The following COL28A1 variants were observed in gnomAD, a reference collection of about 807,000 sequenced individuals.
COL28A1 encodes the protein collagen alpha-1(XXVIII) chain.
COL28A1 carries 161 observed loss-of-function variants against 150.2 expected under a neutral mutation model. The observed-to-expected ratio is 1.07, with a 90% confidence interval of 0.94 to 1.22. The LOEUF is 1.22. Among genes scored for constraint, COL28A1 ranks in the 50% most tolerant of loss-of-function variants. The pLI, the probability that COL28A1 is intolerant of heterozygous loss-of-function variation, is 0.00. For missense variants in COL28A1, 1,617 were observed against 1,388.3 expected (o/e 1.16, Z -2.62); for synonymous variants, 552 against 469.7 (o/e 1.18, Z -2.26).
At chr7:7,358,883 T>A (rs1415708465) in intron 34 of COL28A1, 78 bp from the exon 35 acceptor site, 10 of 1,186,462 alleles carry the variant, frequency 8.4e-6, no homozygotes, top group Middle Eastern at 2.1e-4. Context: ...TATAAAGTTA[T>A]ATAAATAAAC....
At chr7:7,540,153 G>T (rs1188019275), upstream of COL28A1, among the ~76,000 whole-genome samples, 1 of 152,030 alleles carries the variant, frequency 6.6e-6, no homozygotes, top group Non-Finnish European at 1.5e-5. Flanking sequence ...CCTATCATAG[G>T]TTTGAATGTT....
the COL28A1 span, among the ~76,000 whole-genome samples, chr7:7,345,276 G>C: frequency 6.6e-6 from 1 of 151,282 alleles, no homozygotes; most frequent in African/African-American, 2.4e-5. Flanking sequence ...GATGGAAGCA[G>C]AAACTTTAAA....
intron 18 of COL28A1, among the ~76,000 whole-genome samples, chr7:7,447,039 G>A (rs1022588918): frequency 6.6e-6 from 1 of 152,260 alleles, no homozygotes; most frequent in East Asian, 1.9e-4. Context: ...TATTTCTACT[G>A]GCAAGAAATA....
chr7:7,446,796 G>A (rs549306899), intron 18 of COL28A1, among the ~76,000 whole-genome samples: 1 of 152,172 alleles, frequency 6.6e-6, no homozygotes, highest in Admixed American at 6.5e-5. Flanking sequence ...GCAAGTTCAG[G>A]CATCTCTCTA....
chr7:7,366,367 G>A (rs1336141115), intron 33 of COL28A1, among the ~76,000 whole-genome samples: 1 of 152,140 alleles, frequency 6.6e-6, no homozygotes, highest in African/African-American at 2.4e-5. Context: ...GGAGTCAAGA[G>A]AATAGTCCTT....
Position 7,360,451 on chromosome 7 carries a change from G to T in COL28A1, c.3144C>A (p.Thr1048=). The T allele has an allele frequency of 6.2e-7, 1 of 1,609,192 alleles. No homozygotes were observed. The highest frequency in any genetic ancestry group is 1.1e-5 in the South Asian group (1 of 89,942). Residue 1048 remains threonine (T), a synonymous_variant, in exon 34 of 35, where the codon ACC becomes ACA. Coordinates refer to ENST00000399429, the MANE Select transcript of COL28A1 (RefSeq NM_001037763.3). ...PTWADDLPAT[T]SSEATTTPRP... is the part of the protein sequence containing the mutation. The stretch of plus-strand genomic sequence containing the variant: ...TGGGGGTGGTGGTGGCCTCAGATGA[G>T]GTAGTGGCAGGCAGATCATCAGCCC...
At chr7:7,339,533 C>T in the COL28A1 span, among the ~76,000 whole-genome samples, 1 of 152,144 alleles carries the variant, frequency 6.6e-6, no homozygotes, top group Non-Finnish European at 1.5e-5. Flanking sequence ...GCAGACTTCT[C>T]TTTGATTTTC....
At chr7:7,428,564 T>C (rs1210607524) in intron 25 of COL28A1, among the ~76,000 whole-genome samples, 2 of 152,214 alleles carry the variant, frequency 1.3e-5, no homozygotes, top group Non-Finnish European at 2.9e-5. Context: ...ATGAGACGTA[T>C]GGCATGTTTG....
chr7:7,434,284 C>G (rs1583361122), intron 23 of COL28A1, among the ~76,000 whole-genome samples: 1 of 152,164 alleles, frequency 6.6e-6, no homozygotes, highest in African/African-American at 2.4e-5. Context: ...CCATGGTCTT[C>G]AGGACAGGTA....
At chr7:7,432,323 CAGGAAGTCTAT>C in intron 25 of COL28A1, 139 bp downstream of exon 25, 1 of 629,300 alleles carries the variant, frequency 1.6e-6, no homozygotes, top group East Asian at 2.7e-5. Flanking sequence ...ATTAGTTCCC[CAGGAAGTCTAT>C]AGATAAGGGC....
At chr7:7,510,334 G>C (rs1386478199) in intron 9 of COL28A1, among the ~76,000 whole-genome samples, 3 of 152,226 alleles carry the variant, frequency 2.0e-5, no homozygotes, top group Admixed American at 2.0e-4. Context: ...ACCCAGGCTG[G>C]AGTGCAGTGG....
At chr7:7,383,691 T>TATAC (rs1706110542) in intron 27 of COL28A1, among the ~76,000 whole-genome samples, 1 of 138,718 alleles carries the variant, frequency 7.2e-6, no homozygotes, top group Non-Finnish European at 1.5e-5. Context: ...TGTATATATA[T>TATAC]ATATATATAT....
At chr7:7,417,954 G>C (rs774279219) in intron 26 of COL28A1, 27 bp from the exon 27 acceptor site, 1 of 1,577,648 alleles carries the variant, frequency 6.3e-7, no homozygotes, top group South Asian at 1.1e-5. Flanking sequence ...AGAATTTGAA[G>C]ACAAAATGTA....
rs183619021 is a variant in COL28A1, at chr7:7,482,727, T to C, written c.1165-5547A>G. ...GGTAATATTGTTAAAAACTCTCAAC[T>C]ACAAACAGTTAGAAAGACAGGTAAT... On this transcript the variant is annotated intron_variant, in intron 13 of 34. Coordinates refer to ENST00000399429, the MANE Select transcript of COL28A1 (RefSeq NM_001037763.3). Among the ~76,000 whole-genome samples, 563 of 152,178 alleles carry C rather than the reference T, an allele frequency of 3.7e-3. 3 individuals are homozygous for C. The highest frequency in any genetic ancestry group is 6.2e-3 in the Non-Finnish European group (421 of 68,020).
intron 27 of COL28A1, among the ~76,000 whole-genome samples, chr7:7,392,333 A>T (rs1343707182): frequency 2.6e-5 from 4 of 152,204 alleles, no homozygotes; most frequent in Non-Finnish European, 5.9e-5. Flanking sequence ...GGGTTTCTGC[A>T]GAGAGATCTG....
intron 14 of COL28A1, among the ~76,000 whole-genome samples, chr7:7,476,636 A>C (rs1788910573): frequency 6.6e-6 from 1 of 152,222 alleles, no homozygotes; most frequent in Admixed American, 6.5e-5. Flanking sequence ...AATGACAGGA[A>C]ATTCTCAATG....
intron 25 of COL28A1, among the ~76,000 whole-genome samples, chr7:7,424,262 A>G (rs1291947805): frequency 1.3e-5 from 2 of 152,216 alleles, no homozygotes; most frequent in African/African-American, 4.8e-5. Flanking sequence ...GAGAATCCAC[A>G]GAAGTAGTGT....
intron 11 of COL28A1, among the ~76,000 whole-genome samples, chr7:7,501,799 G>C (rs1048309940): frequency 6.6e-6 from 1 of 152,170 alleles, no homozygotes; most frequent in Admixed American, 6.5e-5. Context: ...GCATAGCGCT[G>C]TCTCCTGAGT....
intron 21 of COL28A1, 100 bp from the exon 22 acceptor site, chr7:7,437,562 T>C: frequency 6.9e-7 from 1 of 1,452,746 alleles, no homozygotes; most frequent in Non-Finnish European, 9.1e-7. Context: ...TTTTAAATTA[T>C]GTTATGACCT....
Sources: gnomAD v4.1 joint callset for allele counts (sites outside exome capture counted in the v4.1 genomes callset) on GRCh38, gnomAD v4.1.1 for gene constraint, MANE v1.5 for transcripts, NCBI Gene and HGNC (gene_info 2026-07-23, HGNC 2026-07-21) for gene names.